The following NCOR1 variants were observed in gnomAD, a reference collection of about 807,000 sequenced individuals.
NCOR1 encodes the protein nuclear receptor corepressor 1, also known as protein phosphatase 1, regulatory subunit 109.
NCOR1 carries 63 observed loss-of-function variants against 288.1 expected under a neutral mutation model. The observed-to-expected ratio is 0.22, with a 90% CI of 0.18 to 0.27. The LOEUF is 0.27. Among genes scored for constraint, NCOR1 ranks in the 10% least tolerant of loss-of-function variants. The pLI, the probability that NCOR1 is intolerant of heterozygous loss-of-function variation, is 1.00. For synonymous variants in NCOR1, 1,007 were observed against 1,065.9 expected, an observed-to-expected ratio of 0.94 and a Z score of 1.08; for missense variants, 2,397 against 3,019.2, an observed-to-expected ratio of 0.79 and a Z score of 4.83.
chr17:16,054,161 A>T (rs1279330214), intron 40 of NCOR1, among the ~76,000 whole-genome samples: 1 of 151,958 alleles, frequency 6.6e-6, no homozygotes, highest in African/African-American at 2.4e-5. Flanking sequence ...AAGATTTCAT[A>T]ACAAAGACAC....
chr17:16,065,994 G>C (rs1207478135), intron 32 of NCOR1: 3 of 394,306 alleles, frequency 7.6e-6, no homozygotes, highest in South Asian at 4.9e-5. Flanking sequence ...GCATCTGCAA[G>C]AGTTGTGTTT....
intron 14 of NCOR1, 53 bp from the exon 15 acceptor site, chr17:16,126,259 C>CTTATAG (rs2074021317): frequency 1.4e-6 from 2 of 1,466,330 alleles, no homozygotes; most frequent in African/African-American, 2.9e-5. Context: ...GAAATAGCTC[C>CTTATAG]TTATAGTGTG....
chr17:16,117,012 T>C (rs1162389460), intron 18 of NCOR1, among the ~76,000 whole-genome samples: 4 of 152,248 alleles, frequency 2.6e-5, no homozygotes, highest in African/African-American at 9.6e-5. Context: ...GATATTTTTA[T>C]GAAAACAGTC....
intron 19 of NCOR1, among the ~76,000 whole-genome samples, chr17:16,105,586 C>T (rs2068455285): frequency 6.6e-6 from 1 of 152,098 alleles, no homozygotes; most frequent in African/African-American, 2.4e-5. Context: ...GAGGGAAAAG[C>T]AGCTTGTGGT....
rs761545016 is a variant in NCOR1 at position 16,070,162 on chromosome 17, T to C, written c.4513+3A>G. On this transcript the variant is annotated splice_donor_region_variant and intron_variant, in intron 31 of 45. Transcript: ENST00000268712. ...ATCAGACCAAGCAACAAAAGTAACA[T>C]ACCATCAGAAGTTCTGTTCATCATG... 6.3e-7 allele frequency: 1 copy of C among 1,586,982 alleles called. No individual in the cohort carries two copies. Among genetic ancestry groups the C allele is most frequent in the Non-Finnish European group, 8.6e-7 (1 of 1,167,598 alleles).
Position 16,137,390 on chromosome 17 carries a change from T to C in NCOR1, c.1430A>G (p.Tyr477Cys). The C allele has an allele frequency of 6.4e-7, 1 of 1,572,688 alleles. No individual in the cohort carries two copies. The highest frequency in any genetic ancestry group is 8.7e-7 in the Non-Finnish European group (1 of 1,152,110). Residue 477 changes from tyrosine to cysteine, a missense_variant, in exon 14 of 46, where the codon TAT becomes TGT. Physicochemically the swap from Tyr to Cys is radical, Grantham distance 194. This residue lies in a region of NCOR1 where 80 missense variants were observed against 100.3 expected (regional missense o/e 0.80). Coordinates refer to ENST00000268712, the MANE Select transcript of NCOR1 (RefSeq NM_006311.4). ...CTCATTTTTCTTGGTTAAATAGTAA[T>C]ACAAAACACAATCAGGAACACTCTG... ...ERKSVPDCVL[Y>C]YYLTKKNENY...
At chr17:16,092,703 T>TA (rs2065618380) in intron 21 of NCOR1, among the ~76,000 whole-genome samples, 1 of 73,764 alleles carries the variant, frequency 1.4e-5, no homozygotes, top group Non-Finnish European at 2.5e-5. Flanking sequence ...ATATTTTTTT[T>TA]TTTTTTTTTT....
intron 3 of NCOR1, among the ~76,000 whole-genome samples, chr17:16,181,255 A>G (rs201366691): frequency 1.6e-3 from 158 of 99,912 alleles, no homozygotes; most frequent in Non-Finnish European, 2.9e-3. Context: ...GTGTGTGTGT[A>G]TAAATATTAT....
chr17:16,074,615 T>G (rs1884000210), intron 27 of NCOR1, among the ~76,000 whole-genome samples: 1 of 152,338 alleles, frequency 6.6e-6, no homozygotes, highest in East Asian at 1.9e-4. Flanking sequence ...ACATACTTTA[T>G]TTCTTTGTAT....
At chr17:16,162,989 T>A (rs543184002) in intron 5 of NCOR1, among the ~76,000 whole-genome samples, 1 of 152,092 alleles carries the variant, frequency 6.6e-6, no homozygotes, top group African/African-American at 2.4e-5. Flanking sequence ...GGGGTTTTCA[T>A]ATAAAACCTA....
intron 35 of NCOR1, among the ~76,000 whole-genome samples, chr17:16,063,858 C>G (rs958888706): frequency 6.6e-5 from 10 of 152,150 alleles, no homozygotes; most frequent in African/African-American, 2.4e-4. Context: ...AAAATGATAC[C>G]TTCATCATGA....
intron 38 of NCOR1, 59 bp from the exon 39 acceptor site, chr17:16,058,123 C>G (rs1230678641): frequency 6.4e-7 from 1 of 1,550,524 alleles, no homozygotes; most frequent in Non-Finnish European, 8.9e-7. Context: ...CACTCATTAT[C>G]AAAGATTAAA....
Position 16,158,889 on chromosome 17 carries a change from AG to A in NCOR1, c.619-17del. The A allele has an allele frequency of 6.3e-7, 1 of 1,585,336 alleles. No homozygotes were observed. Among genetic ancestry groups the A allele is most frequent in the Non-Finnish European group, 8.7e-7 (1 of 1,154,320 alleles). ...CAAGCTGTTGCTAAGAGATCCAGAA[AG>A]AAAGAGTCAAGCATGTGCTGCACAC... is the stretch of plus-strand genomic sequence containing the variant. On this transcript the variant is annotated splice_polypyrimidine_tract_variant and intron_variant, in intron 5 of 45. Coordinates refer to ENST00000268712, the MANE Select transcript of NCOR1 (RefSeq NM_006311.4).
At chr17:16,145,698 C>G (rs987034545) in intron 10 of NCOR1, among the ~76,000 whole-genome samples, 1 of 151,924 alleles carries the variant, frequency 6.6e-6, no homozygotes. Flanking sequence ...CCCAGCCAGC[C>G]GCCCAGTCCG....
intron 22 of NCOR1, among the ~76,000 whole-genome samples, chr17:16,086,965 C>T (rs2064331709): frequency 6.6e-6 from 1 of 152,182 alleles, no homozygotes; most frequent in African/African-American, 2.4e-5. Context: ...CAGTCAATGT[C>T]ACAGTATAAA....
chr17:16,158,382 A>C (rs1166195156), intron 6 of NCOR1, among the ~76,000 whole-genome samples: 1 of 152,220 alleles, frequency 6.6e-6, no homozygotes, highest in African/African-American at 2.4e-5. Flanking sequence ...CTGAAATGTT[A>C]TCAGTAGTCA....
chr17:16,105,267 A>T, intron 19 of NCOR1, among the ~76,000 whole-genome samples: 1 of 152,138 alleles, frequency 6.6e-6, no homozygotes, highest in East Asian at 1.9e-4. Context: ...AAAAAAGTAC[A>T]TTAGTCAGGT....
chr17:16,080,873 AAAGC>A lies in NCOR1; in HGVS notation c.3178-150_3178-147del, dbSNP rs1304942321. ...ACCCAAAACCAAGAATAGTTTTTGTAAAGCAAGAAAATCTTCATCGTAGATTGCT... is the reference window on the plus strand; with the variant it reads ...ACCCAAAACCAAGAATAGTTTTTGTAAAGAAAATCTTCATCGTAGATTGCT... On this transcript the variant is annotated intron_variant, in intron 23 of 45. Transcript: ENST00000268712. The A allele has an allele frequency of 9.9e-6, 8 of 807,582 alleles. No homozygotes were observed. The Admixed American group carries it at 2.5e-4, about 25-fold the overall frequency. 50.0% of individuals were successfully genotyped at this position (807,582 alleles called of 1,614,324 possible).
At chr17:16,166,855 T>G (rs2082115637) in intron 4 of NCOR1, among the ~76,000 whole-genome samples, 1 of 152,136 alleles carries the variant, frequency 6.6e-6, no homozygotes, top group South Asian at 2.1e-4. Flanking sequence ...AGTTCTTAAA[T>G]TCACTAAACC....
Sources: gnomAD v4.1 joint callset for allele counts (sites outside exome capture counted in the v4.1 genomes callset) on GRCh38, gnomAD v4.1.1 for gene constraint, gnomAD v4.1.1 regional missense constraint, MANE v1.5 for transcripts, NCBI Gene and HGNC (gene_info 2026-07-23, HGNC 2026-07-21) for gene names.